ITGA6: variants seen among roughly 807,000 people sequenced by gnomAD.
The protein encoded by ITGA6 is integrin alpha-6.
ITGA6 carries 63 observed loss-of-function variants against 133.6 expected under a neutral mutation model. The ratio of observed to expected loss-of-function variants is 0.47; its 90% CI spans 0.38 to 0.58. The LOEUF is 0.58. ITGA6 is among the 20% of genes least tolerant of loss of function. The pLI, the probability that ITGA6 is intolerant of heterozygous loss-of-function variation, is 0.00. For missense variants in ITGA6, 1,068 were observed against 1,309.4 expected (o/e 0.82, Z 2.85); for synonymous variants, 434 against 482.0 (o/e 0.90, Z 1.30).
intron 19 of ITGA6, 133 bp from the exon 20 acceptor site, chr2:172,489,352 C>A: frequency 1.4e-6 from 1 of 723,606 alleles, no homozygotes; most frequent in South Asian, 1.7e-5. Flanking sequence ...ATCTATAGTC[C>A]ATTTTTGGAG....
intron 2 of ITGA6, 132 bp downstream of exon 2, chr2:172,465,795 T>C: frequency 8.0e-7 from 1 of 1,256,342 alleles, no homozygotes. Flanking sequence ...CTTGACTGTT[T>C]TTTATTTGCC....
At chr2:172,485,584 G>A (rs1686632700) in intron 13 of ITGA6, among the ~76,000 whole-genome samples, 5 of 152,132 alleles carry the variant, frequency 3.3e-5, no homozygotes, top group Admixed American at 3.3e-4. Context: ...AAAATACATT[G>A]TGTTTTACTT....
At chr2:172,483,082 G>C (rs972909181) in intron 11 of ITGA6, among the ~76,000 whole-genome samples, 1 of 152,180 alleles carries the variant, frequency 6.6e-6, no homozygotes, top group Non-Finnish European at 1.5e-5. Context: ...TGGAGAGATG[G>C]AATACTCTAG....
Position 172,465,678 on chromosome 2 carries a change from C to G in ITGA6, c.307+15C>G. ...TGATAACGATGGTGCGTTCCTTTCC[C>G]TCACTCAGCGTTCACTCCGGCAGCT... On this transcript the variant is annotated intron_variant, in intron 2 of 25. Transcript: ENST00000684293. The G allele has an allele frequency of 6.2e-7, 1 of 1,614,112 alleles. No homozygotes were observed. The highest frequency in any genetic ancestry group is 8.5e-7 in the Non-Finnish European group (1 of 1,179,936).
At chr2:172,436,796 G>A (rs1386266609) in intron 1 of ITGA6, among the ~76,000 whole-genome samples, 1 of 152,196 alleles carries the variant, frequency 6.6e-6, no homozygotes, top group Non-Finnish European at 1.5e-5. Flanking sequence ...GGCTACAGCA[G>A]CAAACAAAAT....
Position 172,474,958 on chromosome 2 carries a change from A to T in ITGA6, c.1016A>T (p.Gln339Leu). 1 of 1,583,098 alleles carries T rather than the reference A, an allele frequency of 6.3e-7. No homozygotes were observed. Among genetic ancestry groups the T allele is most frequent in the Non-Finnish European group, 8.7e-7 (1 of 1,151,708 alleles). The change falls in exon 7 of 26, where the codon CAG becomes CTG. Residue 339 changes from glutamine to leucine, a missense_variant. Physicochemically the swap from Gln to Leu is moderately radical, Grantham distance 113. This residue lies in a region of ITGA6 where 317 missense variants were observed against 456.9 expected (regional missense o/e 0.69). Coordinates refer to ENST00000684293, the MANE Select transcript of ITGA6 (RefSeq NM_000210.4). ...GWQDIVIGAP[Q>L]YFDRDGEVGG... is the part of the protein sequence containing the mutation. The stretch of plus-strand genomic sequence containing the variant: ...CAAGATATAGTTATTGGAGCCCCAC[A>T]GTATTTTGATAGAGATGGAGAAGTT...
At chr2:172,492,487 T>C (rs1245507717) in intron 23 of ITGA6, among the ~76,000 whole-genome samples, 1 of 152,248 alleles carries the variant, frequency 6.6e-6, no homozygotes, top group Non-Finnish European at 1.5e-5. Flanking sequence ...GAATCTTGCT[T>C]CATCATTTGC....
chr2:172,487,497 A>C, intron 15 of ITGA6, 44 bp downstream of exon 15: 1 of 1,610,100 alleles, frequency 6.2e-7, no homozygotes, highest in Non-Finnish European at 8.5e-7. Context: ...AAAAATCAAC[A>C]CTGTGTGGCA....
At chr2:172,451,324 G>A (rs774506698) in intron 1 of ITGA6, among the ~76,000 whole-genome samples, 43 of 151,032 alleles carry the variant, frequency 2.8e-4, no homozygotes, top group Non-Finnish European at 4.4e-4. Context: ...AATTAGCCTG[G>A]TGTGGTGGTG....
rs1254992840 is a variant in ITGA6, at chr2:172,501,874, G to A, written c.3217G>A (p.Ala1073Thr). The change falls in exon 25 of 26, where the codon GCA (alanine) becomes ACA (threonine). Residue 1073 changes from alanine to threonine, a missense_variant. Around this residue, in one of 3 missense-constraint regions of ITGA6, gnomAD observed 609 missense variants for 707.2 expected, o/e 0.86. Transcript: ENST00000684293. Reference sequence around the variant, plus strand: ...TGATAAAGAGAGGCTTACTTCTGATGCATAGTATTGATCTACTTCTGTAAT... The same window carrying A: ...TGATAAAGAGAGGCTTACTTCTGATACATAGTATTGATCTACTTCTGTAAT... ...PSDKERLTSD[A>T] is the part of the protein sequence containing the mutation. 6.2e-7 allele frequency: 1 copy of A among 1,612,016 alleles called. No individual in the cohort carries two copies. The highest frequency in any genetic ancestry group is 8.5e-7 in the Non-Finnish European group (1 of 1,179,144).
At chr2:172,469,800 C>T (rs1001306757) in intron 4 of ITGA6, among the ~76,000 whole-genome samples, 1 of 152,094 alleles carries the variant, frequency 6.6e-6, no homozygotes, top group African/African-American at 2.4e-5. Flanking sequence ...TTAATATGGA[C>T]ATTTCTCTCT....
chr2:172,441,600 A>T (rs958021672), intron 1 of ITGA6, among the ~76,000 whole-genome samples: 5 of 145,782 alleles, frequency 3.4e-5, no homozygotes, highest in African/African-American at 5.0e-5. Context: ...AAAAAATCAA[A>T]CCTCAGTGCA....
At position 172,427,828 on chromosome 2, in the gene ITGA6, G is replaced by A. The variant is rs1486826628; in HGVS notation, c.40G>A (p.Ala14Thr). ...GCAGCTGTGCTTGCTCTACCTGTCG[G>A]CGGGGCTCCTGTCCCGGCTCGGCGC... ...AGQLCLLYLSAGLLSRLGAAF... is the reference protein window; with the variant it reads ...AGQLCLLYLSTGLLSRLGAAF... Residue 14 changes from alanine to threonine, a missense_variant, in exon 1 of 26, where the codon GCG (alanine) becomes ACG (threonine). Ala to Thr is a moderately conservative substitution (Grantham distance 58). Coordinates refer to ENST00000684293, the MANE Select transcript of ITGA6 (RefSeq NM_000210.4). 6.2e-7 allele frequency: 1 copy of A among 1,603,186 alleles called. No individual in the cohort carries two copies. Among genetic ancestry groups the A allele is most frequent in the Admixed American group, 1.7e-5 (1 of 58,660 alleles).
intron 1 of ITGA6, among the ~76,000 whole-genome samples, chr2:172,444,578 C>T (rs1460239957): frequency 2.0e-5 from 3 of 148,920 alleles, no homozygotes; most frequent in Admixed American, 6.7e-5. Context: ...GCAAATATTC[C>T]AAAATCCCCG....
chr2:172,429,740 G>T (rs1275651416), intron 1 of ITGA6, among the ~76,000 whole-genome samples: 1 of 152,220 alleles, frequency 6.6e-6, no homozygotes. Context: ...GCTCTTCTTA[G>T]CAGCTGACAG....
Position 172,476,420 on chromosome 2 carries a change from T to C in ITGA6, c.1295T>C (p.Phe432Ser). The C allele has an allele frequency of 6.2e-7, 1 of 1,608,776 alleles. No individual in the cohort carries two copies. Among genetic ancestry groups the C allele is most frequent in the Non-Finnish European group, 8.5e-7 (1 of 1,175,262 alleles). ...GTTCTCAAGGGTATATCACCTTATTTTGGATATTCAATTGCTGGAAACATG... is the reference window on the plus strand; with the variant it reads ...GTTCTCAAGGGTATATCACCTTATTCTGGATATTCAATTGCTGGAAACATG... ...TQVLKGISPY[F>S]GYSIAGNMDL... Residue 432 changes from phenylalanine (F) to serine (S), a missense_variant, in exon 9 of 26, where the codon TTT becomes TCT. Transcript: ENST00000684293.
chr2:172,459,122 C>A (rs907736490), intron 1 of ITGA6, among the ~76,000 whole-genome samples: 3 of 152,130 alleles, frequency 2.0e-5, no homozygotes, highest in Non-Finnish European at 4.4e-5. Flanking sequence ...AAAAGAGTTT[C>A]CAGGAAATTC....
chr2:172,462,974 G>A (rs1002052821), intron 1 of ITGA6, among the ~76,000 whole-genome samples: 4 of 151,998 alleles, frequency 2.6e-5, no homozygotes, highest in Non-Finnish European at 4.4e-5. Flanking sequence ...CTCCAGTCCC[G>A]CTGTCATCTC....
At chr2:172,465,397 GT>G in intron 1 of ITGA6, 141 bp from the exon 2 acceptor site, 1 of 990,362 alleles carries the variant, frequency 1.0e-6, no homozygotes, top group Middle Eastern at 3.0e-4. Flanking sequence ...CTCTACATTT[GT>G]TCTCACTCAC....
Sources: allele counts gnomAD v4.1 joint callset (sites outside exome capture counted in the v4.1 genomes callset), GRCh38; gene constraint gnomAD v4.1.1; regional missense constraint gnomAD v4.1.1; transcripts MANE v1.5; gene names NCBI Gene and HGNC (gene_info 2026-07-23, HGNC 2026-07-21).